BRF1: variants seen among roughly 807,000 people sequenced by gnomAD.
BRF1 encodes the protein BRF1 general transcription factor IIIB subunit.
A neutral mutation model predicts 81.7 loss-of-function variants in BRF1; 59 were observed. The observed-to-expected ratio is 0.72, with a 90% CI of 0.59 to 0.90. The LOEUF is 0.90. Ranked by LOEUF, BRF1 falls within the 40% of genes least tolerant of loss-of-function variation. BRF1 has a pLI of 0.00. For missense variants in BRF1, 1,050 were observed against 936.3 expected (o/e 1.12, Z -1.58); for synonymous variants, 491 against 395.6 (o/e 1.24, Z -2.86).
intron 1 of BRF1, among the ~76,000 whole-genome samples, chr14:105,298,832 G>A (rs1023876687): frequency 1.3e-5 from 2 of 149,842 alleles, no homozygotes; most frequent in Non-Finnish European, 3.0e-5. Flanking sequence ...TCCAGCCTGG[G>A]CCACAGAGCA....
At chr14:105,249,046 G>T (rs2055382138) in intron 5 of BRF1, 2 of 1,279,550 alleles carry the variant, frequency 1.6e-6, no homozygotes, top group Non-Finnish European at 2.0e-6. Flanking sequence ...CACCAGGAGA[G>T]CCCCGGCTGG....
chr14:105,288,533 T>G (rs1421363080), intron 1 of BRF1, among the ~76,000 whole-genome samples: 1 of 152,036 alleles, frequency 6.6e-6, no homozygotes, highest in Non-Finnish European at 1.5e-5. Flanking sequence ...CTCACACCTG[T>G]GGTCCCAACA....
chr14:105,221,491 A>G, intron 11 of BRF1, 157 bp downstream of exon 11: 1 of 1,072,454 alleles, frequency 9.3e-7, no homozygotes, highest in Non-Finnish European at 1.3e-6. Context: ...ACACAGCCCC[A>G]TTGGGGGGAC....
At chr14:105,228,628 C>G (rs989698884) in intron 7 of BRF1, among the ~76,000 whole-genome samples, 192 bp downstream of exon 7, 1 of 152,012 alleles carries the variant, frequency 6.6e-6, no homozygotes, top group African/African-American at 2.4e-5. Flanking sequence ...GCAGGGAACT[C>G]TCTGGAGGGA....
chr14:105,229,138 G>T (rs2054297060), intron 6 of BRF1, among the ~76,000 whole-genome samples: 1 of 152,202 alleles, frequency 6.6e-6, no homozygotes, highest in Admixed American at 6.5e-5. Context: ...TTCAAATCAA[G>T]GAAAATTAAA....
chr14:105,267,944 G>A (rs779184608), intron 3 of BRF1, among the ~76,000 whole-genome samples: 1 of 149,242 alleles, frequency 6.7e-6, no homozygotes, highest in African/African-American at 2.6e-5. Flanking sequence ...GGCGGCAGAG[G>A]CCTTGCTCCC....
intron 2 of BRF1, among the ~76,000 whole-genome samples, chr14:105,282,399 G>A (rs1374032089): frequency 6.6e-6 from 1 of 152,208 alleles, no homozygotes; most frequent in Admixed American, 6.5e-5. Flanking sequence ...TTCTAAGAAA[G>A]GCAATCAAGA....
chr14:105,211,218 C>T lies in BRF1; in HGVS notation c.1900G>A (p.Val634Met), dbSNP rs777504331. 24 of 1,611,226 alleles carry T rather than the reference C, an allele frequency of 1.5e-5. No homozygotes were observed. Among genetic ancestry groups the T allele is most frequent in the South Asian group, 5.5e-5 (5 of 91,030 alleles). The change falls in exon 17 of 18, where the codon GTG becomes ATG. Residue 634 changes from valine (V) to methionine (M), a missense_variant. Physicochemically the swap from Val to Met is conservative, Grantham distance 21 (BLOSUM62 1). This residue lies in a region of BRF1 where 1,043 missense variants were observed against 915.4 expected (regional missense o/e 1.14). Coordinates refer to ENST00000547530, the MANE Select transcript of BRF1 (RefSeq NM_001519.4). ...GCCTCCTCGTCGGCGTGGTATGACACGGGCCCGCTCTCCACCAGCACCGCC... is the reference window on the plus strand; with the variant it reads ...GCCTCCTCGTCGGCGTGGTATGACATGGGCCCGCTCTCCACCAGCACCGCC... ...PQAVLVESGP[V>M]SYHADEEADE... is the part of the protein sequence containing the mutation.
intron 1 of BRF1, among the ~76,000 whole-genome samples, chr14:105,291,752 C>A (rs777577163): frequency 1.3e-5 from 2 of 150,250 alleles, no homozygotes; most frequent in South Asian, 2.1e-4. Flanking sequence ...AATCCCAGCA[C>A]CTTCGGAGGC....
Position 105,217,606 on chromosome 14 carries a change from C to T in BRF1, c.1710G>A (p.Leu570=), listed in dbSNP as rs1401358785. 1 of 1,613,468 alleles carries T rather than the reference C, an allele frequency of 6.2e-7. No individual in the cohort carries two copies. Among genetic ancestry groups the T allele is most frequent in the South Asian group, 1.1e-5 (1 of 91,090 alleles). Residue 570 remains leucine, a synonymous_variant, in exon 15 of 18, where the codon CTG becomes CTA. Transcript: ENST00000547530. ...TGCTGGCCGGCGTCCTCCTTCGTGA[C>T]AGCTTCCTGGCACTGGCGCTATGCT... The part of the protein sequence containing the change: ...QPEHSASARK[L]SRRRTPASRS...
intron 2 of BRF1, among the ~76,000 whole-genome samples, chr14:105,280,842 G>A (rs2057050087): frequency 1.3e-5 from 2 of 151,356 alleles, no homozygotes; most frequent in Non-Finnish European, 2.9e-5. Flanking sequence ...GAGGCTGCAT[G>A]ACCCTGAGCC....
rs190662481 is a variant in BRF1 at position 105,284,424 on chromosome 14, G to A, written c.265+1872C>T. On this transcript the variant is annotated intron_variant, in intron 2 of 17. Coordinates refer to ENST00000547530, the MANE Select transcript of BRF1 (RefSeq NM_001519.4). This position sits in a 1 kb window ranked among gnomAD's most constrained non-coding sequence, Gnocchi z 4.0. The stretch of plus-strand genomic sequence containing the variant: ...CTAGGTGTGTCGGTGCTGGCCACCC[G>A]TCGGCAGCAGCAGCCAGGAGCAGAG... Among the ~76,000 whole-genome samples the A allele has an allele frequency of 9.2e-5, 14 of 152,222 alleles. No individual in the cohort carries two copies. Among genetic ancestry groups the A allele is most frequent in the East Asian group, 1.9e-4 (1 of 5,182 alleles).
chr14:105,217,287 A>G lies in BRF1; in HGVS notation c.1772+257T>C, dbSNP rs587685602. 600 of 599,720 alleles carry G rather than the reference A, an allele frequency of 1.0e-3. 2 individuals carry two copies. In the African/African-American group the frequency reaches 0.01, roughly 10 times the overall value. The allele number at this position is 599,720 out of a possible 1,614,324, so 37.1% of individuals were successfully genotyped here. A position where few individuals can be genotyped will look rare whatever the true frequency, so the allele number is the denominator to read the frequency against. On this transcript the variant is annotated intron_variant, in intron 15 of 17. Coordinates refer to ENST00000547530, the MANE Select transcript of BRF1 (RefSeq NM_001519.4). ...GATTGTCCCAGCCCCTCCTTGGGAC[A>G]AAACAGAGCCTAGGCTGCAGGACCC...
chr14:105,272,959 G>A, intron 2 of BRF1, 65 bp from the exon 3 acceptor site: 1 of 1,464,020 alleles, frequency 6.8e-7, no homozygotes, highest in Middle Eastern at 1.8e-4. Context: ...GTATCACACG[G>A]CCACAGCAGC....
At chr14:105,290,626 G>C (rs772738796) in intron 1 of BRF1, among the ~76,000 whole-genome samples, 12 of 152,050 alleles carry the variant, frequency 7.9e-5, no homozygotes, top group Non-Finnish European at 1.3e-4. Context: ...TTCACTCCTT[G>C]ACCCATACCC....
rs1893037033 is a variant in BRF1 at position 105,226,068 on chromosome 14, C to T, written c.1048+1G>A. The T allele has an allele frequency of 6.2e-7, 1 of 1,613,466 alleles. No individual in the cohort carries two copies. Among genetic ancestry groups the T allele is most frequent in the Non-Finnish European group, 8.5e-7 (1 of 1,179,770 alleles). ...ATAGGGGCCGGGCACAGTGGACTCA[C>T]CATCTTTTGCCAGGCTGGCCAGGCC... On this transcript the variant is annotated splice_donor_variant, in intron 10 of 17. Transcript: ENST00000547530. LOFTEE classifies it high-confidence loss of function.
chr14:105,310,524 ACT>A (rs1290157373), intron 1 of BRF1, among the ~76,000 whole-genome samples: 3 of 102,762 alleles, frequency 2.9e-5, no homozygotes, highest in Non-Finnish European at 5.4e-5. Context: ...ACAGAGCGAG[ACT>A]CTGTCTCAAA....
chr14:105,243,932 G>A (rs987532798), intron 5 of BRF1, among the ~76,000 whole-genome samples: 2 of 152,136 alleles, frequency 1.3e-5, no homozygotes, highest in African/African-American at 4.8e-5. Flanking sequence ...CCCGGGAGGT[G>A]GAGGTTGCAA....
chr14:105,289,035 C>CAAA (rs751051126), intron 1 of BRF1, among the ~76,000 whole-genome samples: 31 of 96,488 alleles, frequency 3.2e-4, no homozygotes, highest in African/African-American at 1.1e-3. Flanking sequence ...GACCCTGTCT[C>CAAA]AAAAAAAAAA....
Sources: allele counts gnomAD v4.1 joint callset (sites outside exome capture counted in the v4.1 genomes callset), GRCh38; gene constraint gnomAD v4.1.1; regional missense constraint gnomAD v4.1.1; non-coding constraint Gnocchi (gnomAD v3.1); transcripts MANE v1.5; gene names NCBI Gene and HGNC (gene_info 2026-07-23, HGNC 2026-07-21).